MMP13: variants seen among roughly 807,000 people sequenced by gnomAD.
MMP13 encodes the protein matrix metallopeptidase 13, also known as collagenase 3.
MMP13 carries 45 observed loss-of-function variants against 52.1 expected under a neutral mutation model. The observed-to-expected ratio is 0.86, with a 90% CI of 0.68 to 1.11. The LOEUF (loss-of-function observed/expected upper bound fraction) is 1.11. Ranked by LOEUF, MMP13 falls within the 50% of genes least tolerant of loss-of-function variation. The pLI is 0.00. For missense variants in MMP13, 576 were observed against 583.8 expected (o/e 0.99, Z 0.14); for synonymous variants, 200 against 204.4 (o/e 0.98, Z 0.18).
Position 102,954,475 on chromosome 11 carries a change from A to T in MMP13, c.494T>A (p.Ile165Asn). The change falls in exon 3 of 10, where the codon ATC (isoleucine) becomes AAC (asparagine). Residue 165 changes from isoleucine to asparagine, a missense_variant. By Grantham distance (149) the Ile-to-Asn change is moderately radical. Transcript: ENST00000260302. The part of the protein sequence containing the change: ...RLHDGIADIM[I>N]SFGIKEHGDF... ...ATCATTACCCTTAATTCCAAAAGAG[A>T]TCATGATGTCAGCAATGCCATCGTG... 6.2e-7 allele frequency: 1 copy of T among 1,613,620 alleles called. No homozygotes were observed. Among genetic ancestry groups the T allele is most frequent in the Non-Finnish European group, 8.5e-7 (1 of 1,179,710 alleles).
rs782354118 is a variant in MMP13, at chr11:102,949,179, A to G, written c.918-21T>C. 5.3e-5 allele frequency: 85 copies of G among 1,612,326 alleles called. No homozygotes were observed. Among genetic ancestry groups the G allele is most frequent in the Non-Finnish European group, 7.0e-5 (83 of 1,179,530 alleles). On this transcript the variant is annotated intron_variant, in intron 6 of 9. Transcript: ENST00000260302. The surrounding 1 kb of genome is among the most constrained non-coding windows in gnomAD (Gnocchi z 4.2). ...AGAATCTAACACAAAAGTAAAATGG[A>G]GTTTTCTGTCACATTTTTAAATGCA...
chr11:102,945,878 T>A (rs781897909), intron 8 of MMP13, 129 bp from the exon 9 acceptor site: 6 of 597,410 alleles, frequency 1.0e-5, no homozygotes, highest in Admixed American at 3.0e-5. Flanking sequence ...ATTTAAAGCA[T>A]CTGGTAGCTT....
rs1029865347 is a variant in MMP13 at position 102,952,604 on chromosome 11, G to C, written c.638-431C>G. On this transcript the variant is annotated intron_variant, in intron 4 of 9. Transcript: ENST00000260302. This position sits in a 1 kb window ranked among gnomAD's most constrained non-coding sequence, Gnocchi z 4.3. ...TGCTGCCCAGAACATCCTCCAATCA[G>C]GAGGCAGCATCCAAAGGGATGGTAC... Among the ~76,000 whole-genome samples the C allele has an allele frequency of 6.6e-6, 1 of 152,146 alleles. No individual in the cohort carries two copies. The highest frequency in any genetic ancestry group is 2.4e-5 in the African/African-American group (1 of 41,436).
In MMP13 at chr11:102,952,433, TG is replaced by T. The variant is rs1860628053; in HGVS notation, c.638-261del. On this transcript the variant is annotated intron_variant, in intron 4 of 9. Coordinates refer to ENST00000260302, the MANE Select transcript of MMP13 (RefSeq NM_002427.4). The surrounding 1 kb of genome is among the most constrained non-coding windows in gnomAD (Gnocchi z 4.3). ...TTAGAATGTCAACAGATTACTCTCA[TG>T]TAATTAGTAATTAATAAGGATTTAC... Among the ~76,000 whole-genome samples the T allele has an allele frequency of 6.6e-6, 1 of 152,192 alleles. No individual in the cohort carries two copies. Among genetic ancestry groups the T allele is most frequent in the Admixed American group, 6.5e-5 (1 of 15,276 alleles).
chr11:102,949,221 A>T lies in MMP13; in HGVS notation c.918-63T>A. On this transcript the variant is annotated intron_variant, in intron 6 of 9. Transcript: ENST00000260302. This position sits in a 1 kb window ranked among gnomAD's most constrained non-coding sequence, Gnocchi z 4.2. ...TTAAATGCAATATTTCTATCCTGCT[A>T]GTCACCTCTCTCCACATCAACACAG... 6.3e-7 allele frequency: 1 copy of T among 1,583,316 alleles called. No homozygotes were observed. Among genetic ancestry groups the T allele is most frequent in the Non-Finnish European group, 8.6e-7 (1 of 1,163,710 alleles).
rs200537937 is a variant in MMP13, at chr11:102,955,476, G to A, written c.138C>T (p.Tyr46=). ...LQFAERYLRS[Y]YHPTNLAGIL... ...TTCCCGCGAGATTTGTAGGATGGTA[G>A]TATGATCTCAGGTAGCGCTAGAAAA... Residue 46 remains tyrosine (Y), a synonymous_variant, in exon 2 of 10, where the codon TAC becomes TAT. Transcript: ENST00000260302. The surrounding 1 kb of genome is among the most constrained non-coding windows in gnomAD (Gnocchi z 4.9). 4.5e-5 allele frequency: 73 copies of A among 1,614,026 alleles called. No homozygotes were observed. The East Asian group carries it at 1.6e-3, about 35-fold the overall frequency.
rs1364417004 is a variant in MMP13 at position 102,944,249 on chromosome 11, A to G, written c.*17T>C. On this transcript the variant is annotated 3_prime_UTR_variant, in exon 10 of 10. Coordinates refer to ENST00000260302, the MANE Select transcript of MMP13 (RefSeq NM_002427.4). ...AAATGCTCTTCAGGATTTAAATAAC[A>G]ATTTTTAAAAAGACACTTAACACCA... 3.1e-6 allele frequency: 5 copies of G among 1,594,684 alleles called. No individual in the cohort carries two copies. Among genetic ancestry groups the G allele is most frequent in the Non-Finnish European group, 4.3e-6 (5 of 1,162,998 alleles).
intron 8 of MMP13, among the ~76,000 whole-genome samples, 190 bp from the exon 9 acceptor site, chr11:102,945,939 A>G (rs1313085582): frequency 1.3e-5 from 2 of 152,214 alleles, no homozygotes; most frequent in African/African-American, 4.8e-5. Flanking sequence ...CTTGACGAGT[A>G]TTTGTTGACT....
intron 5 of MMP13, among the ~76,000 whole-genome samples, 185 bp from the exon 6 acceptor site, chr11:102,950,412 C>T (rs925284478): frequency 6.6e-5 from 10 of 152,102 alleles, no homozygotes; most frequent in East Asian, 5.8e-4. Context: ...CTCCCCTCCA[C>T]TTCCATCCTT....
chr11:102,951,653 TAGG>T (rs1169664115), intron 5 of MMP13, among the ~76,000 whole-genome samples: 2 of 152,168 alleles, frequency 1.3e-5, no homozygotes, highest in African/African-American at 2.4e-5. Context: ...AATGTGTTGT[TAGG>T]AGATTTTGTC....
In MMP13 at chr11:102,955,510, A is replaced by C; in HGVS notation, c.121-17T>G. ...CAGGTAGCGCTAGAAAAGACACCAA[A>C]ATGAACTGCGTTTAAAAGAGAAGGA... is the stretch of plus-strand genomic sequence containing the variant. On this transcript the variant is annotated splice_polypyrimidine_tract_variant and intron_variant, in intron 1 of 9. Transcript: ENST00000260302. The surrounding 1 kb of genome is among the most constrained non-coding windows in gnomAD (Gnocchi z 4.9). 6.2e-7 allele frequency: 1 copy of C among 1,613,976 alleles called. No homozygotes were observed. Among genetic ancestry groups the C allele is most frequent in the South Asian group, 1.1e-5 (1 of 91,086 alleles).
intron 8 of MMP13, 131 bp downstream of exon 8, chr11:102,947,760 T>C: frequency 9.7e-7 from 1 of 1,027,476 alleles, no homozygotes; most frequent in Non-Finnish European, 1.5e-6. Flanking sequence ...CTGAAAGAGC[T>C]GACATGGAAT....
At position 102,955,491 on chromosome 11, in the gene MMP13, G is replaced by A. The variant is rs755181539; in HGVS notation, c.123C>T (p.Arg41=). ...LSEEDLQFAE[R]YLRSYYHPTN... ...TAGGATGGTAGTATGATCTCAGGTA[G>A]CGCTAGAAAAGACACCAAAATGAAC... The change falls in exon 2 of 10, where the codon CGC becomes CGT. Residue 41 remains arginine, a splice_region_variant and synonymous_variant. Coordinates refer to ENST00000260302, the MANE Select transcript of MMP13 (RefSeq NM_002427.4). The surrounding 1 kb of genome is among the most constrained non-coding windows in gnomAD (Gnocchi z 4.9). 1.2e-6 allele frequency: 2 copies of A among 1,613,938 alleles called. No homozygotes were observed. Among genetic ancestry groups the A allele is most frequent in the African/African-American group, 1.3e-5 (1 of 74,906 alleles).
chr11:102,945,742 C>A lies in MMP13; in HGVS notation c.1219G>T (p.Asp407Tyr). 1.3e-6 allele frequency: 2 copies of A among 1,540,340 alleles called. No homozygotes were observed. Among genetic ancestry groups the A allele is most frequent in the South Asian group, 1.1e-5 (1 of 88,624 alleles). ...FSGNQVWRYD[D>Y]TNHIMDKDYP... ...TCTTTATCCATAATATGGTTAGTAT[C>A]ATCATATCTATTTAAAGAAAAAAAA... is the stretch of plus-strand genomic sequence containing the variant. The change falls in exon 9 of 10, where the codon GAT becomes TAT. Residue 407 changes from aspartate to tyrosine, a missense_variant. Coordinates refer to ENST00000260302, the MANE Select transcript of MMP13 (RefSeq NM_002427.4).
At chr11:102,947,192 C>T (rs1377560393) in intron 8 of MMP13, among the ~76,000 whole-genome samples, 1 of 152,182 alleles carries the variant, frequency 6.6e-6, no homozygotes, top group Non-Finnish European at 1.5e-5. Context: ...TTCCTGTACT[C>T]ATGCTGGTAT....
chr11:102,950,370 T>C (rs1022815302), intron 5 of MMP13, 143 bp from the exon 6 acceptor site: 4 of 778,846 alleles, frequency 5.1e-6, no homozygotes, highest in Non-Finnish European at 9.5e-6. Context: ...TCCTACATCA[T>C]GGTGCAAGTA....
In MMP13 at chr11:102,955,013, T is replaced by G. The variant is rs1053502254; in HGVS notation, c.362+239A>C. Among the ~76,000 whole-genome samples, 2 of 152,328 alleles carry G rather than the reference T, an allele frequency of 1.3e-5. No individual in the cohort carries two copies. Among genetic ancestry groups the G allele is most frequent in the African/African-American group, 4.8e-5 (2 of 41,572 alleles). ...ATGTACTATGTTTGCAAATTTTCTT[T>G]AACCTACTTTTATTTCTCTTTTGAT... On this transcript the variant is annotated intron_variant, in intron 2 of 9. Coordinates refer to ENST00000260302, the MANE Select transcript of MMP13 (RefSeq NM_002427.4). The surrounding 1 kb of genome is among the most constrained non-coding windows in gnomAD (Gnocchi z 4.9).
chr11:102,947,601 A>G (rs1446930973), intron 8 of MMP13, among the ~76,000 whole-genome samples: 1 of 151,954 alleles, frequency 6.6e-6, no homozygotes, highest in African/African-American at 2.4e-5. Context: ...AGGGGGTGCC[A>G]AAGATGGTTG....
intron 9 of MMP13, 109 bp downstream of exon 9, chr11:102,945,537 A>G (rs1555016568): frequency 1.3e-6 from 1 of 759,990 alleles, no homozygotes; most frequent in African/African-American, 1.7e-5. Context: ...CTTAACTGCC[A>G]TACATTTATT....
Sources: gnomAD v4.1 joint callset for allele counts (sites outside exome capture counted in the v4.1 genomes callset) on GRCh38, gnomAD v4.1.1 for gene constraint, Gnocchi (gnomAD v3.1) non-coding constraint, MANE v1.5 for transcripts, NCBI Gene and HGNC (gene_info 2026-07-23, HGNC 2026-07-21) for gene names.